GALNT17: variants seen among roughly 807,000 people sequenced by gnomAD.
The protein encoded by GALNT17 is UDP-GalNAc:polypeptide N-acetylgalactosaminyltransferase-like 3.
A neutral mutation model predicts 63.7 loss-of-function variants in GALNT17; 29 were observed. The ratio of observed to expected loss-of-function variants is 0.46; its 90% CI spans 0.34 to 0.62. GALNT17 has a LOEUF of 0.62. GALNT17 is among the 20% of genes least tolerant of loss of function. The pLI is 0.01. For synonymous variants in GALNT17, 305 were observed against 318.3 expected (o/e 0.96, Z 0.45); for missense variants, 603 against 799.6 (o/e 0.75, Z 2.97).
chr7:71,220,660 C>T (rs1473027550), intron 1 of GALNT17, among the ~76,000 whole-genome samples: 1 of 152,048 alleles, frequency 6.6e-6, no homozygotes, highest in East Asian at 1.9e-4. Context: ...GGGAGTTAAA[C>T]GAGGTCACTG....
At chr7:71,193,087 A>G (rs1367866930) in intron 1 of GALNT17, among the ~76,000 whole-genome samples, 1 of 149,846 alleles carries the variant, frequency 6.7e-6, no homozygotes, top group Non-Finnish European at 1.5e-5. Context: ...TTATTTATTT[A>G]TTTATTTATT....
chr7:71,415,679 A>G (rs1402279613), intron 3 of GALNT17, among the ~76,000 whole-genome samples: 1 of 152,122 alleles, frequency 6.6e-6, no homozygotes, highest in Non-Finnish European at 1.5e-5. Context: ...ACGGATTGCA[A>G]ACTGTCAGAA....
chr7:71,443,103 A>G (rs987045039), intron 5 of GALNT17, among the ~76,000 whole-genome samples: 2 of 152,184 alleles, frequency 1.3e-5, no homozygotes, highest in African/African-American at 2.4e-5. Context: ...TTTCAGTTGC[A>G]TGGACAGGGT....
At chr7:71,200,141 T>G (rs1209386087) in intron 1 of GALNT17, among the ~76,000 whole-genome samples, 1 of 152,194 alleles carries the variant, frequency 6.6e-6, no homozygotes, top group Non-Finnish European at 1.5e-5. Context: ...TTTCATAGCC[T>G]CTTGGTGGTG....
chr7:71,310,110 A>G (rs1427637698), intron 1 of GALNT17, among the ~76,000 whole-genome samples: 1 of 152,162 alleles, frequency 6.6e-6, no homozygotes, highest in Non-Finnish European at 1.5e-5. Context: ...CATGATTGTG[A>G]GGCCTCCCTA....
At chr7:71,652,098 C>G (rs1369023607) in intron 6 of GALNT17, among the ~76,000 whole-genome samples, 2 of 152,080 alleles carry the variant, frequency 1.3e-5, no homozygotes, top group Admixed American at 1.3e-4. Context: ...AAAGTCCTCC[C>G]AGCCCTACTT....
chr7:71,682,578 T>C (rs1377205622), intron 9 of GALNT17, among the ~76,000 whole-genome samples: 1 of 99,636 alleles, frequency 1.0e-5, no homozygotes. Flanking sequence ...AAGGTCTTGC[T>C]CTGTCACCCA....
intron 5 of GALNT17, among the ~76,000 whole-genome samples, chr7:71,481,374 C>T (rs1787814366): frequency 6.6e-6 from 1 of 152,110 alleles, no homozygotes; most frequent in Admixed American, 6.6e-5. Flanking sequence ...TCGCTTGAAC[C>T]CGGGAGGCAG....
At chr7:71,547,922 G>A (rs1789013116) in intron 5 of GALNT17, among the ~76,000 whole-genome samples, 1 of 152,022 alleles carries the variant, frequency 6.6e-6, no homozygotes, top group South Asian at 2.1e-4. Flanking sequence ...AGAGCCATGT[G>A]AGAGAGTTAA....
rs116369715 is a variant in GALNT17, at chr7:71,148,292, A to G, written c.238+15252A>G. Among the ~76,000 whole-genome samples, 811 of 152,340 alleles carry G rather than the reference A, an allele frequency of 5.3e-3. 7 individuals are homozygous for G. The highest frequency in any genetic ancestry group is 0.018 in the African/African-American group (730 of 41,578). On this transcript the variant is annotated intron_variant, in intron 1 of 10. Transcript: ENST00000333538. ...TTTTGGTCTTTTCCTCATGATTACA[A>G]GATGGCTGCCACAGTTCCAGCCATT...
At chr7:71,227,683 G>A (rs970598475) in intron 1 of GALNT17, among the ~76,000 whole-genome samples, 1 of 152,148 alleles carries the variant, frequency 6.6e-6, no homozygotes, top group Admixed American at 6.5e-5. Context: ...ATTTCTGCCT[G>A]TTAAGCAAAC....
At chr7:71,419,967 G>C (rs1027295828) in intron 4 of GALNT17, among the ~76,000 whole-genome samples, 2 of 152,220 alleles carry the variant, frequency 1.3e-5, no homozygotes, top group African/African-American at 4.8e-5. Flanking sequence ...AAAGAGATGG[G>C]TTGTCGACTG....
chr7:71,386,542 C>T (rs1007470881), intron 2 of GALNT17, among the ~76,000 whole-genome samples: 3 of 152,252 alleles, frequency 2.0e-5, no homozygotes, highest in East Asian at 1.9e-4. Flanking sequence ...GACGGACTCT[C>T]GGTGCACCTG....
chr7:71,331,371 C>A (rs1307279657), intron 1 of GALNT17, among the ~76,000 whole-genome samples: 1 of 152,128 alleles, frequency 6.6e-6, no homozygotes, highest in African/African-American at 2.4e-5. Context: ...TGCCTCAGAG[C>A]CCGGCCTTTA....
At chr7:71,384,931 T>C (rs887328791) in intron 2 of GALNT17, among the ~76,000 whole-genome samples, 3 of 152,232 alleles carry the variant, frequency 2.0e-5, no homozygotes, top group African/African-American at 7.2e-5. Flanking sequence ...ACAGCTGTTG[T>C]AGATACTTCG....
At chr7:71,580,749 G>A (rs964818366) in intron 6 of GALNT17, among the ~76,000 whole-genome samples, 3 of 152,094 alleles carry the variant, frequency 2.0e-5, no homozygotes, top group African/African-American at 7.2e-5. Context: ...TAGTGTTGCT[G>A]TTCTCTAAGG....
intron 5 of GALNT17, among the ~76,000 whole-genome samples, chr7:71,489,932 G>A (rs962393911): frequency 6.6e-6 from 1 of 152,060 alleles, no homozygotes; most frequent in African/African-American, 2.4e-5. Context: ...GCCAAGGCGG[G>A]AGGATCTTTT....
intron 1 of GALNT17, among the ~76,000 whole-genome samples, chr7:71,149,890 G>A (rs1232825687): frequency 6.6e-6 from 1 of 152,158 alleles, no homozygotes; most frequent in Non-Finnish European, 1.5e-5. Context: ...GCAAGATCTA[G>A]TGTAATCTTG....
rs1482693083 is a variant in GALNT17, at chr7:71,265,114, ATATATTTTTTTTT to A, written c.239-70434_239-70422del. The stretch of plus-strand genomic sequence containing the variant: ...CCATAAATATTATATATATATATAT[ATATATTTTTTTTT>A]TTTTTTTTTTTTTTTTTGAGATGGA... On this transcript the variant is annotated intron_variant, in intron 1 of 10. Coordinates refer to ENST00000333538, the MANE Select transcript of GALNT17 (RefSeq NM_022479.3). Among the ~76,000 whole-genome samples, 657 of 40,110 alleles carry A rather than the reference ATATATTTTTTTTT, an allele frequency of 0.016. 59 individuals carry two copies. The East Asian group carries it at 0.18, about 11-fold the overall frequency. The allele number at this position is 40,110 out of a possible 152,430, so 26.3% of individuals were successfully genotyped here.
Sources: gnomAD v4.1 joint callset for allele counts (sites outside exome capture counted in the v4.1 genomes callset) on GRCh38, gnomAD v4.1.1 for gene constraint, MANE v1.5 for transcripts, NCBI Gene and HGNC (gene_info 2026-07-23, HGNC 2026-07-21) for gene names.